Variants in CLEC2D observed in about 807,000 individuals in gnomAD.
CLEC2D encodes the protein C-type lectin domain family 2 member D, also known as C-type lectin related f.
CLEC2D carries 16 observed loss-of-function variants against 20.0 expected under a neutral mutation model. That is an observed-to-expected ratio of 0.80 (90% CI 0.54 to 1.22). CLEC2D has a LOEUF of 1.22. CLEC2D is among the 50% of genes most tolerant of loss of function. The pLI is 0.00. For missense variants in CLEC2D, 207 were observed against 221.5 expected (o/e 0.93, Z 0.42); for synonymous variants, 77 against 71.1 (o/e 1.08, Z -0.42).
chr12:9,685,133 A>G (rs377307686), intron 2 of CLEC2D, among the ~76,000 whole-genome samples: 3 of 152,262 alleles, frequency 2.0e-5, no homozygotes, highest in East Asian at 1.9e-4. Context: ...CCAGGAATTT[A>G]TCCATTTCTT....
intron 1 of CLEC2D, among the ~76,000 whole-genome samples, chr12:9,670,485 A>G (rs748238357): frequency 1.3e-5 from 2 of 152,310 alleles, no homozygotes; most frequent in Admixed American, 1.3e-4. Flanking sequence ...GACTTCATTT[A>G]TTTCTTCATT....
intron 2 of CLEC2D, among the ~76,000 whole-genome samples, chr12:9,687,271 T>A (rs1483849979): frequency 6.6e-6 from 1 of 152,218 alleles, no homozygotes; most frequent in Non-Finnish European, 1.5e-5. Flanking sequence ...TCATCAGGTA[T>A]TAGATTCTCA....
At chr12:9,669,850 G>T in intron 1 of CLEC2D, 55 bp downstream of exon 1, 1 of 1,371,306 alleles carries the variant, frequency 7.3e-7, no homozygotes, top group Non-Finnish European at 1.0e-6. Context: ...GAAGGTAGTG[G>T]TAGTGATGGG....
At chr12:9,675,191 CTTTTTT>C (rs56363104) in intron 1 of CLEC2D, among the ~76,000 whole-genome samples, 3 of 130,222 alleles carry the variant, frequency 2.3e-5, no homozygotes, top group Non-Finnish European at 3.3e-5. Flanking sequence ...TTGTCTATTC[CTTTTTT>C]TTTTTTTTTT....
At chr12:9,671,414 G>T (rs1356737081) in intron 1 of CLEC2D, among the ~76,000 whole-genome samples, 1 of 152,072 alleles carries the variant, frequency 6.6e-6, no homozygotes, top group Non-Finnish European at 1.5e-5. Context: ...TAGAGACGGG[G>T]TTTCACCGTG....
intron 1 of CLEC2D, among the ~76,000 whole-genome samples, chr12:9,677,209 A>C (rs1291403802): frequency 6.6e-6 from 1 of 151,954 alleles, no homozygotes. Context: ...TAGATCATTA[A>C]TTTTAGATCT....
At chr12:9,686,075 C>G (rs761683350) in intron 2 of CLEC2D, among the ~76,000 whole-genome samples, 5 of 152,030 alleles carry the variant, frequency 3.3e-5, no homozygotes, top group Middle Eastern at 3.4e-3. Flanking sequence ...AGCACAGTCC[C>G]TCACAACTTC....
At position 9,671,330 on chromosome 12, in the gene CLEC2D, T is replaced by TCTC. The variant is rs751249863; in HGVS notation, c.61+1537_61+1538insCCT. Among the ~76,000 whole-genome samples the TCTC allele has an allele frequency of 8.2e-4, 125 of 152,250 alleles. 2 individuals carry two copies. The highest frequency in any genetic ancestry group is 2.7e-3 in the African/African-American group (111 of 41,540). ...GCCCCGCCTCCTGGGTTCACGCCAT[T>TCTC]CTGCCTCAGCCTCCTGAGTAGCTGG... On this transcript the variant is annotated intron_variant, in intron 1 of 4. Coordinates refer to ENST00000290855, the MANE Select transcript of CLEC2D (RefSeq NM_013269.6).
Position 9,694,760 on chromosome 12 carries a change from G to T in CLEC2D, c.462G>T (p.Gln154His). 6.3e-7 allele frequency: 1 copy of T among 1,581,974 alleles called. No individual in the cohort carries two copies. The highest frequency in any genetic ancestry group is 8.7e-7 in the Non-Finnish European group (1 of 1,151,076). ...KWINGTEWTR[Q>H]FPILGAGECA... ...ACTGATTCTGCTTCTTCTCTTGCAG[G>T]TTTCCTATCCTGGGAGCAGGAGAGT... Residue 154 changes from glutamine to histidine, a missense_variant and splice_region_variant, in exon 5 of 5, where the codon CAG (glutamine) becomes CAT (histidine). Gln to His is a conservative substitution (Grantham distance 24). Coordinates refer to ENST00000290855, the MANE Select transcript of CLEC2D (RefSeq NM_013269.6).
At chr12:9,691,170 AAAG>A (rs1351343194) in intron 3 of CLEC2D, among the ~76,000 whole-genome samples, 2 of 152,204 alleles carry the variant, frequency 1.3e-5, no homozygotes, top group Admixed American at 6.5e-5. Context: ...TACAAGAGAA[AAAG>A]AAGGGCATTA....
At chr12:9,687,857 A>G in intron 2 of CLEC2D, 45 bp from the exon 3 acceptor site, 1 of 1,240,220 alleles carries the variant, frequency 8.1e-7, no homozygotes, top group East Asian at 2.8e-5. Flanking sequence ...AATACAATAT[A>G]AAAGTAAGAA....
intron 2 of CLEC2D, among the ~76,000 whole-genome samples, chr12:9,683,690 T>G (rs1179257576): frequency 1.3e-5 from 2 of 151,986 alleles, no homozygotes; most frequent in African/African-American, 2.4e-5. Flanking sequence ...TTGTAGATGT[T>G]GGGTGTTATT....
chr12:9,692,488 T>C (rs1219954226), intron 3 of CLEC2D, among the ~76,000 whole-genome samples: 8 of 152,126 alleles, frequency 5.3e-5, no homozygotes, highest in Non-Finnish European at 1.0e-4. Context: ...AATTCTATTC[T>C]AGGACAGGTG....
chr12:9,695,864 A>T lies in CLEC2D; in HGVS notation c.*990A>T. On this transcript the variant is annotated 3_prime_UTR_variant, in exon 5 of 5. Transcript: ENST00000290855. ...AAACTTGCTGCTGCTGCTGATGATG[A>T]TGATGATGAAGATGATGATGATGAT... 4.0e-6 allele frequency: 3 copies of T among 743,118 alleles called. No homozygotes were observed. Among genetic ancestry groups the T allele is most frequent in the Non-Finnish European group, 6.3e-6 (3 of 472,770 alleles). 46.0% of individuals were successfully genotyped at this position (743,118 alleles called of 1,614,324 possible). A position where few individuals can be genotyped will look rare whatever the true frequency, so the allele number is the denominator to read the frequency against.
rs992907332 is a variant in CLEC2D, at chr12:9,699,330, ATTC to A, written c.*4459_*4461del. 1.2e-4 allele frequency: 18 copies of A among 152,196 alleles called. No homozygotes were observed. The highest frequency in any genetic ancestry group is 4.1e-4 in the African/African-American group (17 of 41,450). The allele number at this position is 152,196 out of a possible 1,614,324, so 9.4% of individuals were successfully genotyped here. A position where few individuals can be genotyped will look rare whatever the true frequency, so the allele number is the denominator to read the frequency against. ...TCAGCATATTTTTTAACTTTTAATT[ATTC>A]TTAATGGAAAGACACTTCTGTATAC... On this transcript the variant is annotated 3_prime_UTR_variant, in exon 5 of 5. Transcript: ENST00000290855.
At chr12:9,689,937 G>A (rs1442046213) in intron 3 of CLEC2D, among the ~76,000 whole-genome samples, 2 of 151,948 alleles carry the variant, frequency 1.3e-5, no homozygotes, top group East Asian at 1.9e-4. Context: ...GAGAAGCAGA[G>A]AAATACACTT....
chr12:9,696,147 G>T lies in CLEC2D; in HGVS notation c.*1273G>T. On this transcript the variant is annotated 3_prime_UTR_variant, in exon 5 of 5. Transcript: ENST00000290855. ...GTTCTCTTCCCAAAGTGGAAACCAA[G>T]TTCATCAATTATGTGAAGAATTTCT... 1 of 908,610 alleles carries T rather than the reference G, an allele frequency of 1.1e-6. No homozygotes were observed. The highest frequency in any genetic ancestry group is 2.4e-5 in the East Asian group (1 of 41,824). The allele number at this position is 908,610 out of a possible 1,614,324, so 56.3% of individuals were successfully genotyped here.
At chr12:9,688,108 G>T in intron 3 of CLEC2D, 22 bp downstream of exon 3, 1 of 1,514,802 alleles carries the variant, frequency 6.6e-7, no homozygotes, top group South Asian at 1.3e-5. Context: ...GTTCTGGCCA[G>T]AATCAAAGAT....
rs1866015364 is a variant in CLEC2D, at chr12:9,697,114, C to G, written c.*2240C>G. 1 of 151,922 alleles carries G rather than the reference C, an allele frequency of 6.6e-6. No homozygotes were observed. The highest frequency in any genetic ancestry group is 1.5e-5 in the Non-Finnish European group (1 of 68,000). The allele number at this position is 151,922 out of a possible 1,614,324, so 9.4% of individuals were successfully genotyped here. ...TCCTGTTATGTTGGGAACAAGCCCC[C>G]CAAAATCTGGCCATAAACTCACCCC... is the stretch of plus-strand genomic sequence containing the variant. On this transcript the variant is annotated 3_prime_UTR_variant, in exon 5 of 5. Transcript: ENST00000290855.
Sources: gnomAD v4.1 joint callset for allele counts (sites outside exome capture counted in the v4.1 genomes callset) on GRCh38, gnomAD v4.1.1 for gene constraint, MANE v1.5 for transcripts, NCBI Gene and HGNC (gene_info 2026-07-23, HGNC 2026-07-21) for gene names.